The following YTHDF3 variants were observed in gnomAD, a reference collection of about 807,000 sequenced individuals.
YTHDF3 encodes YTH N6-methyladenosine RNA binding protein F3.
YTHDF3 carries 9 observed loss-of-function variants against 52.5 expected under a neutral mutation model. The observed-to-expected ratio is 0.17, with a 90% CI of 0.10 to 0.30. The LOEUF (loss-of-function observed/expected upper bound fraction) is 0.30. Ranked by LOEUF, YTHDF3 falls within the 10% of genes least tolerant of loss-of-function variation. The pLI, the probability that YTHDF3 is intolerant of heterozygous loss-of-function variation, is 1.00. For missense variants in YTHDF3, 534 were observed against 715.0 expected (o/e 0.75, Z 2.89); for synonymous variants, 274 against 243.3 (o/e 1.13, Z -1.18).
chr8:63,169,353 T>G (rs1211258478), intron 1 of YTHDF3, 34 bp from the exon 2 acceptor site: 19 of 1,592,266 alleles, frequency 1.2e-5, no homozygotes, highest in Non-Finnish European at 1.5e-5. Context: ...TTCCTTTTTC[T>G]CCTCTTTACC....
At position 63,212,266 on chromosome 8, in the gene YTHDF3, T is replaced by G. The variant is rs1046660410; in HGVS notation, c.*2560T>G. On this transcript the variant is annotated 3_prime_UTR_variant, in exon 5 of 5. Coordinates refer to ENST00000539294, the MANE Select transcript of YTHDF3 (RefSeq NM_152758.6). ...GAGGAAACTGTAACCAAAATTAGTA[T>G]TTCTCTATACGTATTGGTACTTGAA... 11 of 152,636 alleles carry G rather than the reference T, an allele frequency of 7.2e-5. No homozygotes were observed. Among genetic ancestry groups the G allele is most frequent in the Admixed American group, 1.3e-4 (2 of 15,276 alleles). 9.5% of individuals were successfully genotyped at this position (152,636 alleles called of 1,614,324 possible).
intron 2 of YTHDF3, among the ~76,000 whole-genome samples, chr8:63,169,862 T>C (rs1807172006): frequency 1.3e-5 from 2 of 152,204 alleles, no homozygotes; most frequent in Non-Finnish European, 2.9e-5. Context: ...CTGATTCTAT[T>C]GAAGTCAGTT....
intron 4 of YTHDF3, chr8:63,188,701 A>ATATATATATTTTTTTT (rs1355614739): frequency 4.9e-5 from 3 of 61,452 alleles, no homozygotes; most frequent in African/African-American, 2.6e-4. Flanking sequence ...ATATATATAT[A>ATATATATATTTTTTTT]TTTTTTTTTT....
Position 63,186,585 on chromosome 8 carries a change from A to G in YTHDF3, c.574A>G (p.Thr192Ala), listed in dbSNP as rs13255728. 1.2e-6 allele frequency: 2 copies of G among 1,614,016 alleles called. No homozygotes were observed. Among genetic ancestry groups the G allele is most frequent in the East Asian group, 2.2e-5 (1 of 44,872 alleles). Reference sequence around the variant, plus strand: ...CATTAGCAGTATTGAGCAAGGCATGACTGGACTGAAAATTGGTGGTGACCT... The same window carrying G: ...CATTAGCAGTATTGAGCAAGGCATGGCTGGACTGAAAATTGGTGGTGACCT... ...PGISSIEQGM[T>A]GLKIGGDLTA... Residue 192 changes from threonine to alanine, a missense_variant, in exon 4 of 5, where the codon ACT (threonine) becomes GCT (alanine). Coordinates refer to ENST00000539294, the MANE Select transcript of YTHDF3 (RefSeq NM_152758.6).
At chr8:63,169,147 T>C (rs2129936800) in intron 1 of YTHDF3, 1 of 1,426,974 alleles carries the variant, frequency 7.0e-7, no homozygotes, top group Non-Finnish European at 9.2e-7. Context: ...GGACAGATCC[T>C]GAGGGCGGCA....
chr8:63,169,023 A>T, intron 1 of YTHDF3, 122 bp downstream of exon 1: 1 of 1,465,960 alleles, frequency 6.8e-7, no homozygotes, highest in Non-Finnish European at 9.0e-7. Flanking sequence ...CCCGGGCGCA[A>T]GTTGCTGCGG....
chr8:63,173,202 T>TATATATATATATATATA (rs1554533375), intron 2 of YTHDF3, among the ~76,000 whole-genome samples: 13 of 125,916 alleles, frequency 1.0e-4, no homozygotes, highest in African/African-American at 4.8e-4. Context: ...AGGATTATAT[T>TATATATATATATATATA]TATATATATA....
Position 63,187,481 on chromosome 8 carries a change from T to C in YTHDF3, c.1470T>C (p.Gly490=), listed in dbSNP as rs1402014919. 3 of 1,613,864 alleles carry C rather than the reference T, an allele frequency of 1.9e-6. No homozygotes were observed. The highest frequency in any genetic ancestry group is 2.5e-6 in the Non-Finnish European group (3 of 1,179,898). The change falls in exon 4 of 5, where the codon GGT becomes GGC. Residue 490 remains glycine, a synonymous_variant. Coordinates refer to ENST00000539294, the MANE Select transcript of YTHDF3 (RefSeq NM_152758.6). ...TTGTGGACTATAATGCGTATGCTGG[T>C]GTCTGGTCTCAGGATAAGTGGAAGG... ...KSVVDYNAYA[G]VWSQDKWKGK... is the part of the protein sequence containing the mutation.
chr8:63,187,639 C>T lies in YTHDF3; in HGVS notation c.1628C>T (p.Ala543Val). The change falls in exon 4 of 5, where the codon GCT becomes GTT. Residue 543 changes from alanine to valine, a missense_variant. By Grantham distance (64) the Ala-to-Val change is moderately conservative. Coordinates refer to ENST00000539294, the MANE Select transcript of YTHDF3 (RefSeq NM_152758.6). The part of the protein sequence containing the change: ...RDTQEVPLEK[A>V]KQVLKIIATF... ...ACTCAAGAGGTACCCCTAGAAAAAGCTAAGCAAGTGCTTAAAATAATTGCT... is the reference window on the plus strand; with the variant it reads ...ACTCAAGAGGTACCCCTAGAAAAAGTTAAGCAAGTGCTTAAAATAATTGCT... 1 of 1,611,286 alleles carries T rather than the reference C, an allele frequency of 6.2e-7. No homozygotes were observed. The highest frequency in any genetic ancestry group is 8.5e-7 in the Non-Finnish European group (1 of 1,178,402).
At chr8:63,208,806 C>G (rs933232479) in intron 4 of YTHDF3, among the ~76,000 whole-genome samples, 2 of 152,050 alleles carry the variant, frequency 1.3e-5, no homozygotes, top group African/African-American at 4.8e-5. Context: ...AATTTTTCTC[C>G]CAATTATGTT....
At position 63,186,618 on chromosome 8, in the gene YTHDF3, G is replaced by T. The variant is rs544382837; in HGVS notation, c.607G>T (p.Ala203Ser). 1 of 1,613,972 alleles carries T rather than the reference G, an allele frequency of 6.2e-7. No individual in the cohort carries two copies. The highest frequency in any genetic ancestry group is 2.2e-5 in the East Asian group (1 of 44,872). The change falls in exon 4 of 5, where the codon GCA becomes TCA. Residue 203 changes from alanine (A) to serine (S), a missense_variant. Physicochemically the swap from Ala to Ser is moderately conservative, Grantham distance 99. This residue lies in a region of YTHDF3 where 196 missense variants were observed against 299.5 expected (regional missense o/e 0.65). Coordinates refer to ENST00000539294, the MANE Select transcript of YTHDF3 (RefSeq NM_152758.6). ...GAAAATTGGTGGTGACCTGACAGCT[G>T]CAGTGACAAAAACTGTAGGTACAGC... is the stretch of plus-strand genomic sequence containing the variant. The part of the protein sequence containing the change: ...GLKIGGDLTA[A>S]VTKTVGTALS...
intron 4 of YTHDF3, among the ~76,000 whole-genome samples, chr8:63,191,099 A>G (rs1170295884): frequency 2.0e-5 from 3 of 152,222 alleles, no homozygotes; most frequent in Non-Finnish European, 4.4e-5. Context: ...GTTTTATATT[A>G]TGGAAAATTC....
intron 3 of YTHDF3, chr8:63,175,741 A>G (rs1807644609): frequency 6.0e-6 from 1 of 167,812 alleles, no homozygotes; most frequent in Non-Finnish European, 1.3e-5. Flanking sequence ...ATATCTTCAT[A>G]GCTTAAGCTA....
intron 3 of YTHDF3, among the ~76,000 whole-genome samples, chr8:63,184,998 G>T (rs1487830710): frequency 5.3e-5 from 8 of 152,116 alleles, no homozygotes; most frequent in Admixed American, 5.2e-4. Context: ...GCGGACGCCT[G>T]TGGTCTCAGC....
At chr8:63,201,340 A>G (rs985094929) in intron 4 of YTHDF3, among the ~76,000 whole-genome samples, 1 of 152,194 alleles carries the variant, frequency 6.6e-6, no homozygotes, top group East Asian at 1.9e-4. Context: ...GCTGGCCAAC[A>G]TAGACCCTGT....
intron 4 of YTHDF3, among the ~76,000 whole-genome samples, chr8:63,208,023 T>G (rs2150404760): frequency 6.6e-6 from 1 of 152,292 alleles, no homozygotes; most frequent in African/African-American, 2.4e-5. Flanking sequence ...AAATCCTTGT[T>G]TTATCTTTTC....
chr8:63,170,543 A>G (rs1478249037), intron 2 of YTHDF3, among the ~76,000 whole-genome samples: 1 of 152,100 alleles, frequency 6.6e-6, no homozygotes, highest in African/African-American at 2.4e-5. Context: ...TCATTTCTAG[A>G]ATTTTTTTTG....
intron 4 of YTHDF3, among the ~76,000 whole-genome samples, chr8:63,201,321 C>T (rs188346042): frequency 5.7e-4 from 86 of 151,860 alleles, no homozygotes; most frequent in African/African-American, 1.6e-3. Context: ...GCCAGGAGTT[C>T]GAGACCACGC....
chr8:63,173,655 A>G (rs1456040396), intron 2 of YTHDF3: 2 of 985,280 alleles, frequency 2.0e-6, no homozygotes, highest in Admixed American at 6.2e-5. Flanking sequence ...ATTTAGGAGC[A>G]GTAAAGCCAG....
Sources: gnomAD v4.1 joint callset for allele counts (sites outside exome capture counted in the v4.1 genomes callset) on GRCh38, gnomAD v4.1.1 for gene constraint, gnomAD v4.1.1 regional missense constraint, MANE v1.5 for transcripts, NCBI Gene and HGNC (gene_info 2026-07-23, HGNC 2026-07-21) for gene names.